BICRAL: variants seen among roughly 807,000 people sequenced by gnomAD.
The protein encoded by BICRAL is BICRA like chromatin remodeling complex associated protein, also known as BRD4-interacting chromatin-remodeling complex-associated protein-like.
In BICRAL, 8 loss-of-function variants were observed where a neutral mutation model predicts 91.8. That is an observed-to-expected ratio of 0.09 (90% CI 0.05 to 0.16). BICRAL has a LOEUF of 0.16. Among genes scored for constraint, BICRAL ranks in the 10% least tolerant of loss-of-function variants. BICRAL has a pLI of 1.00. For synonymous variants in BICRAL, 445 were observed against 491.1 expected, an observed-to-expected ratio of 0.91 and a Z score of 1.24; for missense variants, 1,038 against 1,310.9, an observed-to-expected ratio of 0.79 and a Z score of 3.21.
chr6:42,762,590 G>T (rs1407608618), intron 1 of BICRAL, among the ~76,000 whole-genome samples: 1 of 152,178 alleles, frequency 6.6e-6, no homozygotes, highest in Non-Finnish European at 1.5e-5. Context: ...GGATGTGGTT[G>T]TGTCTCCTAT....
chr6:42,751,654 C>A (rs376803109), intron 1 of BICRAL, among the ~76,000 whole-genome samples: 1,741 of 116,578 alleles, frequency 0.015, 33 homozygotes, highest in African/African-American at 0.054. Flanking sequence ...TCTTTCTTTT[C>A]TTTTTTTTTT....
chr6:42,817,570 C>T (rs1159624375), intron 2 of BICRAL, among the ~76,000 whole-genome samples: 2 of 151,440 alleles, frequency 1.3e-5, no homozygotes, highest in African/African-American at 2.4e-5. Context: ...TGACCTCCTA[C>T]GCTCAAGCAA....
chr6:42,750,892 TTTTTTTTTTTTTTTTTA>T (rs954215558), intron 1 of BICRAL, among the ~76,000 whole-genome samples: 1 of 71,096 alleles, frequency 1.4e-5, no homozygotes, highest in South Asian at 5.2e-4. Flanking sequence ...TTTTTTTTTT[TTTTTTTTTTTTTTTTTA>T]ATACTTTAAG....
intron 5 of BICRAL, among the ~76,000 whole-genome samples, chr6:42,823,359 C>G (rs1764199096): frequency 6.6e-6 from 1 of 152,110 alleles, no homozygotes; most frequent in African/African-American, 2.4e-5. Flanking sequence ...CAGGCTCAAG[C>G]AATACACCTA....
chr6:42,795,920 C>G (rs1763403162), intron 1 of BICRAL, among the ~76,000 whole-genome samples: 1 of 152,168 alleles, frequency 6.6e-6, no homozygotes, highest in African/African-American at 2.4e-5. Flanking sequence ...CACAGGAACA[C>G]ATAATCTAGG....
chr6:42,837,636 C>T (rs527381065), intron 6 of BICRAL, among the ~76,000 whole-genome samples: 2 of 151,592 alleles, frequency 1.3e-5, no homozygotes, highest in East Asian at 3.9e-4. Flanking sequence ...CCTGTAGTCC[C>T]AACTACTCGG....
In BICRAL at chr6:42,845,195, G is replaced by GGTTTTTTTTTTTT. The variant is rs1562490931; in HGVS notation, c.1840-6897_1840-6896insGTTTTTTTTTTTT. On this transcript the variant is annotated intron_variant, in intron 6 of 12. Transcript: ENST00000314073. ...CTTCTCTGTTTTTTGTTTTTTGGGT[G>GGTTTTTTTTTTTT]TTTTTTTTTTTTTTTTTTTTTTTTT... Among the ~76,000 whole-genome samples the GGTTTTTTTTTTTT allele has an allele frequency of 1.0e-3, 26 of 25,610 alleles. 7 individuals are homozygous for GGTTTTTTTTTTTT. The highest frequency in any genetic ancestry group is 3.6e-3 in the South Asian group (2 of 556). 16.8% of individuals were successfully genotyped at this position (25,610 alleles called of 152,430 possible).
chr6:42,787,524 G>C (rs1249405470), intron 1 of BICRAL, among the ~76,000 whole-genome samples: 2 of 151,984 alleles, frequency 1.3e-5, no homozygotes, highest in African/African-American at 4.8e-5. Context: ...CACACAGCCA[G>C]CTCTGTGTGG....
intron 1 of BICRAL, among the ~76,000 whole-genome samples, chr6:42,768,834 G>T (rs543354256): frequency 3.9e-5 from 6 of 152,172 alleles, no homozygotes; most frequent in Non-Finnish European, 7.3e-5. Flanking sequence ...CCCAGTCTCT[G>T]TGTCCCAAGT....
chr6:42,815,574 A>T (rs1204940124), intron 2 of BICRAL, among the ~76,000 whole-genome samples: 2 of 152,164 alleles, frequency 1.3e-5, no homozygotes, highest in African/African-American at 4.8e-5. Flanking sequence ...ATGTTTCTTC[A>T]TGAGAGCTTA....
chr6:42,853,592 A>G (rs199917886), intron 7 of BICRAL, 46 bp from the exon 8 acceptor site: 3 of 1,417,760 alleles, frequency 2.1e-6, no homozygotes, highest in East Asian at 4.5e-5. Flanking sequence ...GATGGACCCA[A>G]TTTACTGTTT....
chr6:42,800,357 T>C (rs1763531349), intron 1 of BICRAL, among the ~76,000 whole-genome samples: 1 of 151,702 alleles, frequency 6.6e-6, no homozygotes, highest in African/African-American at 2.4e-5. Context: ...AGAGATGGGG[T>C]TTTGCCATGT....
intron 2 of BICRAL, among the ~76,000 whole-genome samples, chr6:42,819,581 C>G (rs760048522): frequency 7.2e-5 from 11 of 152,114 alleles, no homozygotes; most frequent in African/African-American, 2.7e-4. Flanking sequence ...CCACCATGCC[C>G]GGCCTATCTT....
chr6:42,769,246 G>C, intron 1 of BICRAL, among the ~76,000 whole-genome samples: 1 of 152,208 alleles, frequency 6.6e-6, no homozygotes, highest in Admixed American at 6.5e-5. Flanking sequence ...AGGCGGTCTG[G>C]CTACCAGCAG....
chr6:42,779,722 G>A (rs1184897233), upstream of BICRAL, among the ~76,000 whole-genome samples: 2 of 152,274 alleles, frequency 1.3e-5, no homozygotes, highest in African/African-American at 4.8e-5. Context: ...AATCTCAAGC[G>A]ATTCTCGTGC....
chr6:42,846,306 A>C (rs1765008260), intron 6 of BICRAL, among the ~76,000 whole-genome samples: 1 of 151,938 alleles, frequency 6.6e-6, no homozygotes, highest in Admixed American at 6.6e-5. Context: ...AGGCGGAGGT[A>C]GCAGTAAGCT....
At chr6:42,798,293 A>C (rs753812753) in intron 1 of BICRAL, among the ~76,000 whole-genome samples, 2 of 152,132 alleles carry the variant, frequency 1.3e-5, no homozygotes, top group Admixed American at 6.6e-5. Flanking sequence ...ACCAGTATGC[A>C]ATATACCCAT....
intron 1 of BICRAL, among the ~76,000 whole-genome samples, chr6:42,768,635 A>G (rs148798905): frequency 5.3e-5 from 8 of 152,356 alleles, no homozygotes; most frequent in South Asian, 2.1e-4. Flanking sequence ...CAGGGGACTC[A>G]GATATCAATC....
At chr6:42,752,822 C>G (rs1562446505) in intron 1 of BICRAL, among the ~76,000 whole-genome samples, 1 of 151,844 alleles carries the variant, frequency 6.6e-6, no homozygotes, top group Non-Finnish European at 1.5e-5. Flanking sequence ...CAGCTAGTCT[C>G]CAACTCCTGA....
Sources: allele counts gnomAD v4.1 joint callset (sites outside exome capture counted in the v4.1 genomes callset), GRCh38; gene constraint gnomAD v4.1.1; transcripts MANE v1.5; gene names NCBI Gene and HGNC (gene_info 2026-07-23, HGNC 2026-07-21).